The following PIEZO1 variants were observed in gnomAD, a reference collection of about 807,000 sequenced individuals.
PIEZO1 encodes the protein piezo type mechanosensitive ion channel component 1 (Er blood group).
Under a neutral mutation model 297.2 loss-of-function variants are expected in PIEZO1, and 296 were observed. The observed-to-expected ratio is 1.00, with a 90% CI of 0.91 to 1.10. PIEZO1 has a LOEUF of 1.10. Among genes scored for constraint, PIEZO1 ranks in the 50% least tolerant of loss-of-function variants. The pLI, the probability that PIEZO1 is intolerant of heterozygous loss-of-function variation, is 0.00. For missense variants in PIEZO1, 5,018 were observed against 3,455.5 expected (o/e 1.45, Z -11.34); for synonymous variants, 2,427 against 1,507.5 (o/e 1.61, Z -14.13).
chr16:88,723,342 C>G lies in PIEZO1; in HGVS notation c.4336-14G>C. ...CTGGTACGCCAGCTGTCGGCCAGCCCCCGGGTTAGGACCCGGCCTCCCGAG... is the reference window on the plus strand; with the variant it reads ...CTGGTACGCCAGCTGTCGGCCAGCCGCCGGGTTAGGACCCGGCCTCCCGAG... On this transcript the variant is annotated splice_polypyrimidine_tract_variant and intron_variant, in intron 31 of 50. Transcript: ENST00000301015. The G allele has an allele frequency of 6.5e-7, 1 of 1,536,692 alleles. No individual in the cohort carries two copies. Among genetic ancestry groups the G allele is most frequent in the Non-Finnish European group, 8.7e-7 (1 of 1,146,534 alleles).
At chr16:88,717,828 ACT>A (rs571062353) in intron 44 of PIEZO1, 56 of 441,898 alleles carry the variant, frequency 1.3e-4, no homozygotes, top group South Asian at 8.4e-4. Flanking sequence ...AACAGAAAAA[ACT>A]CTAATAAAAA....
intron 1 of PIEZO1, among the ~76,000 whole-genome samples, chr16:88,765,065 G>A (rs1299610422): frequency 6.6e-6 from 1 of 152,232 alleles, no homozygotes; most frequent in South Asian, 2.1e-4. Flanking sequence ...ACAGAAGATG[G>A]GGTGCTGACT....
chr16:88,732,896 T>C, intron 19 of PIEZO1, 164 bp from the exon 20 acceptor site: 1 of 692,836 alleles, frequency 1.4e-6, no homozygotes, highest in Non-Finnish European at 2.4e-6. Context: ...GGGGACCAGG[T>C]GTTTGAGAAA....
In PIEZO1 at chr16:88,716,816, T is replaced by G. The variant is rs780154261; in HGVS notation, c.6743A>C (p.Asp2248Ala). The G allele has an allele frequency of 6.5e-7, 1 of 1,549,568 alleles. No homozygotes were observed. The highest frequency in any genetic ancestry group is 1.4e-5 in the African/African-American group (1 of 72,956). ...GCAGAGGCCACTTACCGGCTGGGGG[T>G]CAAACTGCCGGGACAGCTCCTCATA... ...QAYEELSRQF[D>A]PQPLAMQFIS... Residue 2248 changes from aspartate to alanine, a missense_variant, in exon 46 of 51, where the codon GAC (aspartate) becomes GCC (alanine). Physicochemically the swap from Asp to Ala is moderately radical, Grantham distance 126. Transcript: ENST00000301015.
In PIEZO1 at chr16:88,736,176, C is replaced by T. The variant is rs894290626; in HGVS notation, c.1529G>A (p.Arg510His). 50 of 1,548,366 alleles carry T rather than the reference C, an allele frequency of 3.2e-5. No homozygotes were observed. Among genetic ancestry groups the T allele is most frequent in the East Asian group, 2.7e-4 (11 of 40,910 alleles). The part of the protein sequence containing the change: ...SLRQLGLEHT[R>H]YPCLDLGAML... ...GGCACCAAGGTCCAGACAGGGGTAG[C>T]GGGTGTGCTCCAGCCCCAGCTGGCG... Residue 510 changes from arginine (R) to histidine (H), a missense_variant, in exon 12 of 51, where the codon CGC (arginine) becomes CAC (histidine). By Grantham distance (29) the Arg-to-His change is conservative (BLOSUM62 0). Transcript: ENST00000301015.
intron 1 of PIEZO1, among the ~76,000 whole-genome samples, chr16:88,775,764 C>T (rs1464167100): frequency 4.7e-5 from 7 of 150,172 alleles, no homozygotes; most frequent in Admixed American, 1.3e-4. Flanking sequence ...AAAGACATGG[C>T]GAAGGGCAGG....
chr16:88,742,477 C>G (rs1413405697), intron 2 of PIEZO1, 55 bp from the exon 3 acceptor site: 5 of 1,515,692 alleles, frequency 3.3e-6, no homozygotes, highest in Non-Finnish European at 4.4e-6. Flanking sequence ...GGGCCGCAGC[C>G]CAGGCCGCTC....
At chr16:88,774,749 C>T (rs1156466119) in intron 1 of PIEZO1, among the ~76,000 whole-genome samples, 1 of 152,182 alleles carries the variant, frequency 6.6e-6, no homozygotes, top group East Asian at 1.9e-4. Context: ...TCTTAGGGTA[C>T]ATGGGGTTCC....
rs1247085310 is a variant in PIEZO1 at position 88,725,557 on chromosome 16, G to A, written c.4058+38C>T. 1.2e-5 allele frequency: 18 copies of A among 1,532,936 alleles called. No individual in the cohort carries two copies. The East Asian group carries it at 3.4e-4, about 29-fold the overall frequency. 95.0% of individuals were successfully genotyped at this position (1,532,936 alleles called of 1,614,324 possible). On this transcript the variant is annotated intron_variant, in intron 28 of 50. Transcript: ENST00000301015. ...AAGGTGGGGTATGCTGAGCATTGGG[G>A]GGAGGAGCCGGGGAGTCCCCGCCCC...
At chr16:88,722,497 C>T (rs1488320987) in intron 35 of PIEZO1, 86 bp downstream of exon 35, 3 of 1,424,418 alleles carry the variant, frequency 2.1e-6, no homozygotes, top group African/African-American at 1.4e-5. Context: ...CTTTGGGGTA[C>T]AAGGGAATGG....
At chr16:88,763,134 C>CA (rs577372211) in intron 1 of PIEZO1, among the ~76,000 whole-genome samples, 9 of 152,322 alleles carry the variant, frequency 5.9e-5, no homozygotes, top group African/African-American at 2.2e-4. Flanking sequence ...CAAGCCTGCC[C>CA]AGGGGCCAGC....
rs1367674569 is a variant in PIEZO1, at chr16:88,736,894, C to CGGG, written c.1196-156_1196-155insCCC. The CGGG allele has an allele frequency of 9.5e-6, 5 of 528,634 alleles. No homozygotes were observed. The African/African-American group carries it at 1.0e-4, about 11-fold the overall frequency. 32.7% of individuals were successfully genotyped at this position (528,634 alleles called of 1,614,324 possible). A position where few individuals can be genotyped will look rare whatever the true frequency, so the allele number is the denominator to read the frequency against. On this transcript the variant is annotated intron_variant, in intron 10 of 50. Coordinates refer to ENST00000301015, the MANE Select transcript of PIEZO1 (RefSeq NM_001142864.4). ...GAACACGAGGGCTCCGGCAATTGGG[C>CGGG]TGACACCGTCCCTGAGCGTCAGGGA...
chr16:88,731,555 C>G (rs1168621264), intron 22 of PIEZO1, 151 bp downstream of exon 22: 1 of 617,116 alleles, frequency 1.6e-6, no homozygotes, highest in Non-Finnish European at 2.9e-6. Context: ...GTGATGGCGC[C>G]TGGGTAGGAT....
intron 1 of PIEZO1, among the ~76,000 whole-genome samples, chr16:88,753,786 G>T (rs766055279): frequency 6.6e-6 from 1 of 152,252 alleles, no homozygotes; most frequent in African/African-American, 2.4e-5. Context: ...AGCCAGAGGG[G>T]GAGACTTCAG....
chr16:88,742,443 G>A lies in PIEZO1; in HGVS notation c.161-21C>T. 3 of 1,533,558 alleles carry A rather than the reference G, an allele frequency of 2.0e-6. 1 individual carries two copies. In the East Asian group the frequency reaches 7.3e-5, roughly 37 times the overall value. 95.0% of individuals were successfully genotyped at this position (1,533,558 alleles called of 1,614,324 possible). On this transcript the variant is annotated intron_variant, in intron 2 of 50. Transcript: ENST00000301015. ...GTGACCTGCGGCAGAGCGAGTGGGT[G>A]AGGCTGGTCCCGGGGACGGGGAGGG...
Position 88,721,871 on chromosome 16 carries a change from C to G in PIEZO1, c.5151G>C (p.Trp1717Cys), listed in dbSNP as rs1330002474. 6.5e-7 allele frequency: 1 copy of G among 1,550,016 alleles called. No individual in the cohort carries two copies. The highest frequency in any genetic ancestry group is 8.7e-7 in the Non-Finnish European group (1 of 1,146,772). Residue 1717 changes from tryptophan (W) to cysteine (C), a missense_variant, in exon 37 of 51, where the codon TGG becomes TGC. By Grantham distance (215) the Trp-to-Cys change is radical. Transcript: ENST00000301015. ...SLVLPVLVFL[W>C]AMLSIPRPSK... Reference sequence around the variant, plus strand: ...TGGGCCTCGGGATCGACAGCATGGCCCACAGGAAGACGAGCACGGGCAGCA... The same window carrying G: ...TGGGCCTCGGGATCGACAGCATGGCGCACAGGAAGACGAGCACGGGCAGCA...
intron 43 of PIEZO1, 24 bp downstream of exon 43, chr16:88,719,778 C>A (rs1912298523): frequency 6.5e-7 from 1 of 1,550,318 alleles, no homozygotes; most frequent in Admixed American, 2.0e-5. Context: ...GCCGTGACCC[C>A]CACCCCGGCG....
Position 88,720,718 on chromosome 16 carries a change from TC to T in PIEZO1, c.5698del (p.Glu1900ArgfsTer21). ...EAEDREEEEG[E>X]EEKEAPTGRE... ...CCCCGTGGGGGCCTCTTTCTCTTCC[TC>T]CCCCTCTTCTTCCTCCCTGTCCTCA... On this transcript the variant is annotated frameshift_variant, in exon 40 of 51. Coordinates refer to ENST00000301015, the MANE Select transcript of PIEZO1 (RefSeq NM_001142864.4). LOFTEE classifies it high-confidence loss of function. 1 of 1,524,958 alleles carries T rather than the reference TC, an allele frequency of 6.6e-7. No homozygotes were observed. The highest frequency in any genetic ancestry group is 8.8e-7 in the Non-Finnish European group (1 of 1,136,140). The allele number at this position is 1,524,958 out of a possible 1,614,324, so 94.5% of individuals were successfully genotyped here. A position where few individuals can be genotyped will look rare whatever the true frequency, so the allele number is the denominator to read the frequency against.
chr16:88,733,912 G>T lies in PIEZO1; in HGVS notation c.2323C>A (p.Pro775Thr). The T allele has an allele frequency of 1.3e-6, 2 of 1,500,558 alleles. No homozygotes were observed. Among genetic ancestry groups the T allele is most frequent in the Non-Finnish European group, 1.8e-6 (2 of 1,118,028 alleles). The allele number at this position is 1,500,558 out of a possible 1,614,324, so 93.0% of individuals were successfully genotyped here. A position where few individuals can be genotyped will look rare whatever the true frequency, so the allele number is the denominator to read the frequency against. Residue 775 changes from proline to threonine, a missense_variant, in exon 17 of 51, where the codon CCT becomes ACT. Transcript: ENST00000301015. ...CTCTGCCCGCCCAACCCACCTTCAG[G>T]CACCTGCGTGGCCTGGTGGGGAGTG... ...VATPHQATQV[P>T]EGAAKWGLVA...
Sources: allele counts gnomAD v4.1 joint callset (sites outside exome capture counted in the v4.1 genomes callset), GRCh38; gene constraint gnomAD v4.1.1; transcripts MANE v1.5; gene names NCBI Gene and HGNC (gene_info 2026-07-23, HGNC 2026-07-21).